The following DZIP1L variants were observed in gnomAD, a reference collection of about 807,000 sequenced individuals.
The protein encoded by DZIP1L is cilium assembly protein DZIP1L.
A neutral mutation model predicts 88.7 loss-of-function variants in DZIP1L; 90 were observed. The observed-to-expected ratio is 1.02, with a 90% CI of 0.86 to 1.21. The LOEUF (loss-of-function observed/expected upper bound fraction) is 1.21, where lower values mean the gene tolerates loss of function less well. Ranked by LOEUF, DZIP1L falls within the 50% of genes most tolerant of loss-of-function variation. The probability of loss-of-function intolerance (pLI) is 0.00; values close to 1 mark genes in which losing one functional copy is unlikely to be tolerated. For missense variants in DZIP1L, 932 were observed against 955.8 expected, an observed-to-expected ratio of 0.98 and a Z score of 0.33; for synonymous variants, 363 against 372.1, an observed-to-expected ratio of 0.98 and a Z score of 0.28.
Position 138,084,157 on chromosome 3 carries a change from G to A in DZIP1L, c.1159C>T (p.Gln387Ter), listed in dbSNP as rs747630867. ...ATGATCCTAGCTTGTTCCTGCAGCT[G>A]GGCACGGAGGGTGCTGATCTGGCAC... Reference protein sequence around the residue: ...SQCQISTLRAQLQEQARIIAS... With the variant: ...SQCQISTLRA The change falls in exon 8 of 16, where the codon CAG becomes TAG. Residue 387 changes from glutamine to a stop codon, truncating the protein, a stop_gained. Transcript: ENST00000327532. LOFTEE classifies it high-confidence loss of function. 6.2e-7 allele frequency: 1 copy of A among 1,614,190 alleles called. No individual in the cohort carries two copies. Among genetic ancestry groups the A allele is most frequent in the Non-Finnish European group, 8.5e-7 (1 of 1,180,018 alleles).
intron 14 of DZIP1L, among the ~76,000 whole-genome samples, chr3:138,066,670 G>A (rs1459512234): frequency 6.6e-6 from 1 of 152,012 alleles, no homozygotes; most frequent in African/African-American, 2.4e-5. Context: ...TGAGCACGCG[G>A]TGAGCACCCA....
At chr3:138,089,388 T>C (rs1411973978) in intron 5 of DZIP1L, 1 of 488,920 alleles carries the variant, frequency 2.0e-6, no homozygotes, top group African/African-American at 2.1e-5. Context: ...TTTCTTGGCA[T>C]TACAAACCTT....
At chr3:138,083,282 C>A (rs1943754293) in intron 8 of DZIP1L, among the ~76,000 whole-genome samples, 1 of 152,146 alleles carries the variant, frequency 6.6e-6, no homozygotes, top group South Asian at 2.1e-4. Context: ...AGTTATGTCA[C>A]CTGGGTGAAA....
At chr3:138,104,750 A>G (rs535786956) in intron 1 of DZIP1L, among the ~76,000 whole-genome samples, 1 of 152,192 alleles carries the variant, frequency 6.6e-6, no homozygotes, top group Non-Finnish European at 1.5e-5. Context: ...TCAATCCATC[A>G]TGGGCTTTTT....
At chr3:138,114,424 C>T (rs1414175462) in intron 1 of DZIP1L, among the ~76,000 whole-genome samples, 1 of 152,090 alleles carries the variant, frequency 6.6e-6, no homozygotes, top group Non-Finnish European at 1.5e-5. Flanking sequence ...GGTGTCTGAC[C>T]AAGACAGTCA....
At chr3:138,095,108 T>C (rs973578114) in intron 3 of DZIP1L, 125 bp from the exon 4 acceptor site, 16 of 1,434,836 alleles carry the variant, frequency 1.1e-5, no homozygotes, top group South Asian at 6.7e-5. Context: ...TACGTTGACA[T>C]TGGGCAAAGA....
intron 11 of DZIP1L, among the ~76,000 whole-genome samples, chr3:138,073,438 T>C (rs1480416581): frequency 1.3e-5 from 2 of 152,136 alleles, no homozygotes; most frequent in African/African-American, 4.8e-5. Context: ...GTAACTCTAC[T>C]GGGTGGCTAG....
intron 15 of DZIP1L, among the ~76,000 whole-genome samples, chr3:138,064,008 G>C (rs986993344): frequency 2.8e-4 from 43 of 152,340 alleles, no homozygotes; most frequent in African/African-American, 1.0e-3. Context: ...CAGTGTGCAA[G>C]TTGTTCCCTG....
rs117949200 is a variant in DZIP1L, at chr3:138,090,578, G to C, written c.870+1805C>G. 6.6e-5 allele frequency among the ~76,000 whole-genome samples: 10 copies of C among 152,248 alleles called. No homozygotes were observed. The East Asian group carries it at 1.2e-3, about 18-fold the overall frequency. ...TTAGGGAGCCCCCATCCCCACCCCA[G>C]TGCACACAGAGTTCTCGTTTCAACC... On this transcript the variant is annotated intron_variant, in intron 5 of 15. Coordinates refer to ENST00000327532, the MANE Select transcript of DZIP1L (RefSeq NM_173543.3).
At chr3:138,088,872 C>G (rs1397044902) in intron 5 of DZIP1L, 2 of 990,210 alleles carry the variant, frequency 2.0e-6, no homozygotes, top group African/African-American at 3.5e-5. Flanking sequence ...ATGGGAGGGT[C>G]TCACCCCAGG....
intron 6 of DZIP1L, 125 bp downstream of exon 6, chr3:138,088,251 CAGA>C: frequency 7.7e-7 from 1 of 1,300,844 alleles, no homozygotes; most frequent in South Asian, 1.7e-5. Context: ...CATGTACTGG[CAGA>C]AGGTCTGAAA....
intron 12 of DZIP1L, 92 bp downstream of exon 12, chr3:138,071,551 A>C: frequency 9.8e-6 from 14 of 1,422,008 alleles, no homozygotes; most frequent in Non-Finnish European, 1.3e-5. Flanking sequence ...AATGGGGGAC[A>C]GAGACTATAC....
Position 138,083,304 on chromosome 3 carries a change from G to A in DZIP1L, c.1203+809C>T, listed in dbSNP as rs143063550. Among the ~76,000 whole-genome samples, 5 of 152,340 alleles carry A rather than the reference G, an allele frequency of 3.3e-5. No homozygotes were observed. The East Asian group carries it at 7.7e-4, about 24-fold the overall frequency. On this transcript the variant is annotated intron_variant, in intron 8 of 15. Transcript: ENST00000327532. ...TCACCTGGGTGAAATGTGGCTGGGT[G>A]TGTGGGAAAGCACAAATAGCAAGGG...
At chr3:138,068,403 C>A (rs1014218013) in intron 12 of DZIP1L, 36 bp from the exon 13 acceptor site, 5 of 1,433,854 alleles carry the variant, frequency 3.5e-6, no homozygotes, top group Non-Finnish European at 4.6e-6. Flanking sequence ...TTGGAGTACA[C>A]CCATGCTGGA....
chr3:138,064,846 C>A, intron 14 of DZIP1L, 79 bp from the exon 15 acceptor site: 1 of 1,521,894 alleles, frequency 6.6e-7, no homozygotes, highest in South Asian at 1.3e-5. Context: ...CATGTCCAGG[C>A]TCCAGTGTGG....
At chr3:138,083,524 A>G (rs1210983915) in intron 8 of DZIP1L, among the ~76,000 whole-genome samples, 1 of 152,246 alleles carries the variant, frequency 6.6e-6, no homozygotes, top group Non-Finnish European at 1.5e-5. Flanking sequence ...CACAGGGGCC[A>G]GCTTTAGGAG....
intron 12 of DZIP1L, among the ~76,000 whole-genome samples, chr3:138,070,818 C>T (rs1160632668): frequency 6.6e-6 from 1 of 152,180 alleles, no homozygotes; most frequent in East Asian, 1.9e-4. Context: ...AGGAGCAGGA[C>T]AGCACCTGCA....
chr3:138,077,133 T>A (rs894705374), intron 11 of DZIP1L, among the ~76,000 whole-genome samples: 1 of 152,094 alleles, frequency 6.6e-6, no homozygotes, highest in Admixed American at 6.5e-5. Context: ...GGCTTGCAGA[T>A]GGATACTTAC....
chr3:138,114,669 G>A (rs2042664551), intron 1 of DZIP1L, among the ~76,000 whole-genome samples: 3 of 152,172 alleles, frequency 2.0e-5, no homozygotes, highest in Admixed American at 2.0e-4. Context: ...CAGGAGACCA[G>A]GCAGGGGCAG....
Sources: gnomAD v4.1 joint callset for allele counts (sites outside exome capture counted in the v4.1 genomes callset) on GRCh38, gnomAD v4.1.1 for gene constraint, MANE v1.5 for transcripts, NCBI Gene and HGNC (gene_info 2026-07-23, HGNC 2026-07-21) for gene names.